Variants in RELN observed in about 807,000 individuals in gnomAD.
The protein encoded by RELN is reelin.
Under a neutral mutation model 427.6 loss-of-function variants are expected in RELN, and 108 were observed. The observed-to-expected ratio is 0.25, with a 90% confidence interval of 0.22 to 0.30. The LOEUF is 0.30. RELN is among the 10% of genes least tolerant of loss of function. The pLI, the probability that RELN is intolerant of heterozygous loss-of-function variation, is 1.00. For missense variants in RELN, 3,715 were observed against 4,302.8 expected (o/e 0.86, Z 3.82); for synonymous variants, 1,524 against 1,513.4 (o/e 1.01, Z -0.16).
At chr7:103,874,472 C>G (rs930250745) in intron 2 of RELN, among the ~76,000 whole-genome samples, 1 of 144,766 alleles carries the variant, frequency 6.9e-6, no homozygotes, top group East Asian at 2.3e-4. Flanking sequence ...TGTCTCAGCC[C>G]AAAATCTCCT....
chr7:103,689,140 A>C (rs1833820846), intron 10 of RELN, among the ~76,000 whole-genome samples: 1 of 152,146 alleles, frequency 6.6e-6, no homozygotes, highest in African/African-American at 2.4e-5. Context: ...ATTCTAAAGG[A>C]GAAACAGAGT....
intron 41 of RELN, 57 bp from the exon 42 acceptor site, chr7:103,545,401 G>A (rs1463446776): frequency 8.3e-5 from 96 of 1,159,502 alleles, no homozygotes; most frequent in South Asian, 1.2e-5. Flanking sequence ...TACCTTCAAA[G>A]TATGCACATC....
intron 6 of RELN, among the ~76,000 whole-genome samples, chr7:103,747,158 C>G (rs1790859302): frequency 6.6e-6 from 1 of 151,116 alleles, no homozygotes. Context: ...CAAACTATCG[C>G]AAGGACAAAA....
At chr7:103,920,239 C>A (rs1795582356) in intron 1 of RELN, among the ~76,000 whole-genome samples, 1 of 152,076 alleles carries the variant, frequency 6.6e-6, no homozygotes, top group African/African-American at 2.4e-5. Context: ...ATAAAGTAGA[C>A]TTGCATAAGT....
chr7:103,478,561 TCTTC>T (rs1280917383), intron 63 of RELN, 167 bp from the exon 64 acceptor site: 1 of 656,924 alleles, frequency 1.5e-6, no homozygotes, highest in East Asian at 2.8e-5. Context: ...TATTTCTTAT[TCTTC>T]TATACCCAAG....
intron 44 of RELN, among the ~76,000 whole-genome samples, 169 bp downstream of exon 44, chr7:103,540,027 GA>G (rs1203696432): frequency 6.6e-6 from 1 of 152,240 alleles, no homozygotes; most frequent in Non-Finnish European, 1.5e-5. Context: ...AATAGAGAAT[GA>G]AAGGAAGCTA....
At chr7:103,700,793 T>G in intron 9 of RELN, 117 bp downstream of exon 9, 1 of 741,162 alleles carries the variant, frequency 1.3e-6, no homozygotes, top group Non-Finnish European at 2.5e-6. Context: ...TCAACATAAT[T>G]AACAACCAGA....
intron 1 of RELN, among the ~76,000 whole-genome samples, chr7:103,955,628 GTGT>G (rs1002776191): frequency 1.8e-4 from 28 of 152,174 alleles, no homozygotes; most frequent in African/African-American, 6.5e-4. Flanking sequence ...ATGTAGGATA[GTGT>G]TGTTGTTTTA....
chr7:103,963,042 G>A (rs1358016878), intron 1 of RELN, among the ~76,000 whole-genome samples: 2 of 152,018 alleles, frequency 1.3e-5, no homozygotes, highest in East Asian at 1.9e-4. Context: ...GGAGACAGAC[G>A]TAAGCCAGTG....
chr7:103,899,452 A>T (rs1795034496), intron 2 of RELN, among the ~76,000 whole-genome samples: 2 of 152,268 alleles, frequency 1.3e-5, no homozygotes, highest in Middle Eastern at 3.4e-3. Flanking sequence ...TGAGGCCAGC[A>T]TCATCCTGAT....
rs1234871093 is a variant in RELN, at chr7:103,953,232, T to C, written c.226+35899A>G. ...CCCTTGAAAGTATCCTCAACTCATA[T>C]TTATTGCAAACAGTTGATTGAAAAA... On this transcript the variant is annotated intron_variant, in intron 1 of 64. Transcript: ENST00000428762. The surrounding 1 kb of genome is among the most constrained non-coding windows in gnomAD (Gnocchi z 4.3). Among the ~76,000 whole-genome samples the C allele has an allele frequency of 6.6e-6, 1 of 152,232 alleles. No individual in the cohort carries two copies. The highest frequency in any genetic ancestry group is 2.4e-5 in the African/African-American group (1 of 41,464).
At chr7:103,886,685 A>G (rs1234044731) in intron 2 of RELN, among the ~76,000 whole-genome samples, 2 of 152,244 alleles carry the variant, frequency 1.3e-5, no homozygotes, top group Admixed American at 1.3e-4. Flanking sequence ...TGAACTAACA[A>G]TTGTGATAAC....
chr7:103,529,544 C>T (rs1035032041), intron 46 of RELN, among the ~76,000 whole-genome samples: 1 of 151,964 alleles, frequency 6.6e-6, no homozygotes, highest in Non-Finnish European at 1.5e-5. Context: ...CCACCTCTTA[C>T]TTTTAGGTCT....
intron 3 of RELN, among the ~76,000 whole-genome samples, chr7:103,810,839 T>G (rs914696480): frequency 6.6e-6 from 1 of 152,202 alleles, no homozygotes; most frequent in African/African-American, 2.4e-5. Context: ...ACCATATATC[T>G]TGATTTCTCT....
At chr7:103,979,946 G>A (rs1796957292) in intron 1 of RELN, among the ~76,000 whole-genome samples, 1 of 152,136 alleles carries the variant, frequency 6.6e-6, no homozygotes, top group Non-Finnish European at 1.5e-5. Flanking sequence ...CTGATCACCT[G>A]AGGTCGGGAG....
At chr7:103,489,032 A>G (rs1828548171) in intron 60 of RELN, among the ~76,000 whole-genome samples, 1 of 152,246 alleles carries the variant, frequency 6.6e-6, no homozygotes, top group Non-Finnish European at 1.5e-5. Flanking sequence ...ATAGAGGCTG[A>G]AACCTGTTAG....
chr7:103,476,775 A>T (rs1354012873), intron 64 of RELN: 1 of 351,390 alleles, frequency 2.8e-6, no homozygotes, highest in Non-Finnish European at 5.9e-6. Flanking sequence ...CATTTATCTT[A>T]TATTTACTCA....
intron 1 of RELN, among the ~76,000 whole-genome samples, chr7:103,936,725 CAG>C (rs768243302): frequency 0.44 from 45,252 of 103,166 alleles, 7,231 homozygotes; most frequent in Admixed American, 0.5. Flanking sequence ...CACACACACA[CAG>C]ACAGACAGAC....
In RELN at chr7:103,636,311, T is replaced by C. The variant is rs1338021084; in HGVS notation, c.2227A>G (p.Ser743Gly). The change falls in exon 18 of 65, where the codon AGT becomes GGT. Residue 743 changes from serine (S) to glycine (G), a missense_variant. Physicochemically the swap from Ser to Gly is moderately conservative, Grantham distance 56. Coordinates refer to ENST00000428762, the MANE Select transcript of RELN (RefSeq NM_005045.4). ...TTGTTGAAAACCAGGGCCTTACCAC[T>C]GGCCAAGACACCACAACCAAAGCTG... ...EVSFGCGVLA[S>G]GKALVFNKDG... The C allele has an allele frequency of 6.2e-7, 1 of 1,614,020 alleles. No individual in the cohort carries two copies.
Sources: allele counts gnomAD v4.1 joint callset (sites outside exome capture counted in the v4.1 genomes callset), GRCh38; gene constraint gnomAD v4.1.1; non-coding constraint Gnocchi (gnomAD v3.1); transcripts MANE v1.5; gene names NCBI Gene and HGNC (gene_info 2026-07-23, HGNC 2026-07-21).